AGBL3: variants seen among roughly 807,000 people sequenced by gnomAD.
AGBL3 encodes the protein cytosolic carboxypeptidase 3.
AGBL3 carries 68 observed loss-of-function variants against 94.5 expected under a neutral mutation model. The observed-to-expected ratio is 0.72, with a 90% confidence interval of 0.59 to 0.88. The LOEUF (loss-of-function observed/expected upper bound fraction) is 0.88. Among genes scored for constraint, AGBL3 ranks in the 40% least tolerant of loss-of-function variants. The pLI, the probability that AGBL3 is intolerant of heterozygous loss-of-function variation, is 0.00. For synonymous variants in AGBL3, 354 were observed against 370.7 expected, an observed-to-expected ratio of 0.95 and a Z score of 0.52; for missense variants, 934 against 1,103.8, an observed-to-expected ratio of 0.85 and a Z score of 2.18.
intron 16 of AGBL3, among the ~76,000 whole-genome samples, chr7:135,117,757 G>A (rs1826534888): frequency 1.3e-5 from 2 of 152,178 alleles, no homozygotes; most frequent in Admixed American, 1.3e-4. Context: ...ACCTATATCA[G>A]ATACTTTTGG....
Position 135,091,387 on chromosome 7 carries a change from A to G in AGBL3, c.2110+9597A>G, listed in dbSNP as rs1409243689. 3.9e-5 allele frequency among the ~76,000 whole-genome samples: 6 copies of G among 152,166 alleles called. No homozygotes were observed. The East Asian group carries it at 1.2e-3, about 29-fold the overall frequency. ...GTCCCACAGTCAGCCCTGTACCCAC[A>G]TTTTCAAAAAATTGACGCTTGATGT... On this transcript the variant is annotated intron_variant, in intron 15 of 16. Coordinates refer to ENST00000436302, the MANE Select transcript of AGBL3 (RefSeq NM_178563.4).
intron 15 of AGBL3, among the ~76,000 whole-genome samples, chr7:135,103,552 A>G (rs1035899354): frequency 1.3e-5 from 2 of 152,194 alleles, no homozygotes; most frequent in Non-Finnish European, 2.9e-5. Context: ...ACTGTATTTA[A>G]CAGAAAGGCC....
intron 16 of AGBL3, among the ~76,000 whole-genome samples, chr7:135,130,552 AAC>A (rs1268956440): frequency 1.8e-5 from 2 of 112,750 alleles, no homozygotes; most frequent in South Asian, 3.9e-4. Context: ...TAATTCCAGC[AAC>A]ACATGTTTTT....
At chr7:135,129,585 G>C in intron 16 of AGBL3, 1 of 771,968 alleles carries the variant, frequency 1.3e-6, no homozygotes, top group South Asian at 1.4e-5. Context: ...TCTCTCTAGA[G>C]CAAACCCTTA....
intron 8 of AGBL3, among the ~76,000 whole-genome samples, chr7:135,038,688 G>A (rs918259296): frequency 5.3e-5 from 8 of 152,170 alleles, no homozygotes; most frequent in Non-Finnish European, 8.8e-5. Flanking sequence ...TGGGCCAGAC[G>A]TGGTGGCTCA....
intron 15 of AGBL3, among the ~76,000 whole-genome samples, chr7:135,096,568 GATAGATAGATAGATAC>G (rs1364894868): frequency 0.097 from 2,887 of 29,676 alleles, 85 homozygotes; most frequent in Middle Eastern, 0.25. Context: ...AAGATAGATA[GATAGATAGATAGATAC>G]ATAGATAGAT....
chr7:135,039,843 A>C (rs1816675894), intron 8 of AGBL3, among the ~76,000 whole-genome samples: 1 of 152,000 alleles, frequency 6.6e-6, no homozygotes, highest in Admixed American at 6.6e-5. Context: ...AATAAAGAGA[A>C]GCAGGTCAAT....
chr7:135,116,580 TG>T (rs1310389762), intron 16 of AGBL3, among the ~76,000 whole-genome samples: 1 of 152,192 alleles, frequency 6.6e-6, no homozygotes, highest in African/African-American at 2.4e-5. Flanking sequence ...GCTCCCCATT[TG>T]GTTTCCAATG....
At chr7:135,009,997 T>C (rs1226038276) in intron 4 of AGBL3, 12 of 433,764 alleles carry the variant, frequency 2.8e-5, no homozygotes, top group Non-Finnish European at 5.4e-5. Context: ...TTATTTTATT[T>C]TTTGTTGTAA....
intron 3 of AGBL3, among the ~76,000 whole-genome samples, chr7:134,993,161 T>G (rs1404053297): frequency 2.0e-5 from 3 of 152,232 alleles, no homozygotes; most frequent in Admixed American, 2.0e-4. Context: ...ATCACTGTAT[T>G]TAACTCGTTA....
rs544809297 is a variant in AGBL3 at position 135,121,781 on chromosome 7, G to A, written c.2342+6170G>A. 3.6e-4 allele frequency among the ~76,000 whole-genome samples: 54 copies of A among 152,060 alleles called. 1 individual carries two copies. In the South Asian group the frequency reaches 0.011, roughly 31 times the overall value. On this transcript the variant is annotated intron_variant, in intron 16 of 16. Coordinates refer to ENST00000436302, the MANE Select transcript of AGBL3 (RefSeq NM_178563.4). ...AGAGGAAGAACAGTGTAGTGCAGTG[G>A]CCCACCTGAGAGCCACACAGGGCAG...
At chr7:135,084,883 T>C (rs964575927) in intron 15 of AGBL3, among the ~76,000 whole-genome samples, 4 of 152,180 alleles carry the variant, frequency 2.6e-5, no homozygotes, top group Admixed American at 6.5e-5. Flanking sequence ...CTGTATCATA[T>C]GGTAGTTCTG....
chr7:135,045,657 C>T (rs1817286187), intron 10 of AGBL3, 83 bp downstream of exon 10: 3 of 1,376,764 alleles, frequency 2.2e-6, no homozygotes, highest in African/African-American at 2.9e-5. Flanking sequence ...CAGTGTTTGC[C>T]TTTTAATGTC....
intron 4 of AGBL3, among the ~76,000 whole-genome samples, chr7:135,006,870 G>T (rs1812455142): frequency 1.3e-5 from 2 of 151,762 alleles, no homozygotes; most frequent in Non-Finnish European, 3.0e-5. Context: ...AAGACTAAGA[G>T]GATGTAATTA....
intron 12 of AGBL3, among the ~76,000 whole-genome samples, chr7:135,070,463 A>G (rs905873668): frequency 2.0e-5 from 3 of 152,178 alleles, no homozygotes; most frequent in African/African-American, 4.8e-5. Context: ...GAACATTGAT[A>G]CAAAAATCCT....
intron 12 of AGBL3, among the ~76,000 whole-genome samples, chr7:135,069,164 CAAG>C (rs1424436788): frequency 6.6e-6 from 1 of 152,186 alleles, no homozygotes; most frequent in African/African-American, 2.4e-5. Flanking sequence ...ATCAATTCAA[CAAG>C]AAGAGCTAAC....
intron 4 of AGBL3, among the ~76,000 whole-genome samples, chr7:135,002,542 T>G (rs903772376): frequency 2.0e-5 from 3 of 152,030 alleles, no homozygotes; most frequent in African/African-American, 7.2e-5. Flanking sequence ...CCACCACAAC[T>G]CACATTATTA....
intron 4 of AGBL3, among the ~76,000 whole-genome samples, chr7:135,012,851 A>G (rs534263428): frequency 6.6e-5 from 10 of 152,292 alleles, no homozygotes; most frequent in Admixed American, 2.0e-4. Context: ...CTCATAGAAG[A>G]AAACATGGAA....
chr7:135,062,799 T>C (rs959103352), intron 12 of AGBL3, among the ~76,000 whole-genome samples: 1 of 152,174 alleles, frequency 6.6e-6, no homozygotes, highest in African/African-American at 2.4e-5. Context: ...TCTATGCTTC[T>C]CAGGGATATT....
Sources: gnomAD v4.1 joint callset for allele counts (sites outside exome capture counted in the v4.1 genomes callset) on GRCh38, gnomAD v4.1.1 for gene constraint, MANE v1.5 for transcripts, NCBI Gene and HGNC (gene_info 2026-07-23, HGNC 2026-07-21) for gene names.